IGF1R: variants seen among roughly 807,000 people sequenced by gnomAD.
IGF1R encodes insulin like growth factor 1 receptor.
In IGF1R, 44 loss-of-function variants were observed where a neutral mutation model predicts 144.6. The observed-to-expected ratio is 0.30, with a 90% confidence interval of 0.24 to 0.39. The LOEUF is 0.39. IGF1R is among the 10% of genes least tolerant of loss of function. The probability of loss-of-function intolerance (pLI) is 1.00; values close to 1 mark genes in which losing one functional copy is unlikely to be tolerated. For missense variants in IGF1R, 1,355 were observed against 1,833.7 expected (o/e 0.74, Z 4.77); for synonymous variants, 795 against 722.8 (o/e 1.10, Z -1.60).
At chr15:98,779,066 T>C (rs1338037453) in intron 2 of IGF1R, among the ~76,000 whole-genome samples, 6 of 152,230 alleles carry the variant, frequency 3.9e-5, no homozygotes, top group Admixed American at 3.3e-4. Flanking sequence ...TGTCAGATAA[T>C]TGAGCGTGAG....
At chr15:98,692,106 C>T (rs909582588) in intron 1 of IGF1R, among the ~76,000 whole-genome samples, 14 of 152,096 alleles carry the variant, frequency 9.2e-5, no homozygotes, top group African/African-American at 2.9e-4. Flanking sequence ...GAGTCCGAGG[C>T]GGGCAGATCA....
chr15:98,755,280 C>T (rs577860269), intron 2 of IGF1R, among the ~76,000 whole-genome samples: 2 of 152,090 alleles, frequency 1.3e-5, no homozygotes, highest in East Asian at 1.9e-4. Context: ...GTTAAAATTT[C>T]AGCAGTTCAC....
intron 5 of IGF1R, among the ~76,000 whole-genome samples, chr15:98,907,872 C>T (rs2014808671): frequency 6.6e-6 from 1 of 152,226 alleles, no homozygotes; most frequent in Non-Finnish European, 1.5e-5. Flanking sequence ...TCCTAGATTG[C>T]TGGTTCTCCA....
rs534581665 is a variant in IGF1R at position 98,672,426 on chromosome 15, C to T, written c.94+22751C>T. Among the ~76,000 whole-genome samples the T allele has an allele frequency of 3.2e-4, 48 of 152,000 alleles. 1 individual carries two copies. Among genetic ancestry groups the T allele is most frequent in the Admixed American group, 2.1e-3 (32 of 15,268 alleles). ...CGAAAAATACAATACAAAAATTAGC[C>T]GCGTGTGGTGGTGTGCGCCTGTAGT... On this transcript the variant is annotated intron_variant, in intron 1 of 20. Transcript: ENST00000650285.
chr15:98,688,520 C>G (rs1009595378), intron 1 of IGF1R, among the ~76,000 whole-genome samples: 4 of 151,632 alleles, frequency 2.6e-5, no homozygotes, highest in Non-Finnish European at 5.9e-5. Context: ...TATTATAATG[C>G]TTTCGTTGGG....
At chr15:98,786,758 A>G (rs1304348970) in intron 2 of IGF1R, among the ~76,000 whole-genome samples, 1 of 152,206 alleles carries the variant, frequency 6.6e-6, no homozygotes, top group Non-Finnish European at 1.5e-5. Flanking sequence ...GCTCTGGCCA[A>G]TAACTGGGCC....
At chr15:98,740,724 C>T (rs145618476) in intron 2 of IGF1R, among the ~76,000 whole-genome samples, 263 of 152,326 alleles carry the variant, frequency 1.7e-3, no homozygotes, top group Middle Eastern at 0.017. Context: ...AATCTCTGTG[C>T]TGTGTAGCTT....
chr15:98,907,271 G>A (rs543835970), intron 5 of IGF1R, among the ~76,000 whole-genome samples: 14 of 152,328 alleles, frequency 9.2e-5, no homozygotes, highest in African/African-American at 3.4e-4. Context: ...CTGTAAATGA[G>A]AATCAGGCTG....
intron 3 of IGF1R, among the ~76,000 whole-genome samples, chr15:98,895,414 A>G (rs1007046392): frequency 3.3e-5 from 5 of 150,878 alleles, no homozygotes. Flanking sequence ...TTAAAATAAA[A>G]TTTTTTTTTT....
intron 20 of IGF1R, 66 bp from the exon 21 acceptor site, chr15:98,956,995 C>T (rs1427504969): frequency 1.9e-6 from 3 of 1,579,400 alleles, no homozygotes; most frequent in Non-Finnish European, 2.6e-6. Flanking sequence ...TGCAGGCGGC[C>T]CATGAAGCCT....
chr15:98,759,232 T>C (rs2055234146), intron 2 of IGF1R, among the ~76,000 whole-genome samples: 1 of 152,206 alleles, frequency 6.6e-6, no homozygotes, highest in Admixed American at 6.5e-5. Context: ...TGGCCCAAAT[T>C]TGAGGGTATT....
At position 98,963,126 on chromosome 15, in the gene IGF1R, TATAAA is replaced by T. The variant is rs765425723; in HGVS notation, c.*5687_*5691del. 18 of 233,704 alleles carry T rather than the reference TATAAA, an allele frequency of 7.7e-5. No individual in the cohort carries two copies. Among genetic ancestry groups the T allele is most frequent in the Non-Finnish European group, 1.1e-4 (13 of 118,050 alleles). 14.5% of individuals were successfully genotyped at this position (233,704 alleles called of 1,614,324 possible). ...CATTTTTGTAAGAACAGAATAATTT[TATAAA>T]ATGTTTGTAGTTTATAATTGCCGAA... On this transcript the variant is annotated 3_prime_UTR_variant, in exon 21 of 21. Transcript: ENST00000650285.
rs745988251 is a variant in IGF1R at position 98,957,436 on chromosome 15, C to T, written c.4098C>T (p.Thr1366=). ...ERALPLPQSS[T]C The stretch of plus-strand genomic sequence containing the variant: ...CCTTGCCGCTGCCCCAGTCTTCGAC[C>T]TGCTGATCCTTGGATCCTGAATCTG... The change falls in exon 21 of 21, where the codon ACC becomes ACT. Residue 1366 remains threonine (T), a synonymous_variant. Coordinates refer to ENST00000650285, the MANE Select transcript of IGF1R (RefSeq NM_000875.5). 12 of 1,613,030 alleles carry T rather than the reference C, an allele frequency of 7.4e-6. No individual in the cohort carries two copies. The highest frequency in any genetic ancestry group is 1.7e-5 in the Admixed American group (1 of 60,032).
At chr15:98,789,864 A>AG (rs1341004300) in intron 2 of IGF1R, among the ~76,000 whole-genome samples, 1 of 152,070 alleles carries the variant, frequency 6.6e-6, no homozygotes, top group African/African-American at 2.4e-5. Flanking sequence ...GAAGTCAGAG[A>AG]GGCGGGTTGC....
At chr15:98,836,470 G>T (rs2057104075) in intron 2 of IGF1R, among the ~76,000 whole-genome samples, 1 of 149,076 alleles carries the variant, frequency 6.7e-6, no homozygotes, top group Non-Finnish European at 1.5e-5. Context: ...AGTGAACTAT[G>T]ATCATGCCAC....
chr15:98,818,098 A>G lies in IGF1R; in HGVS notation c.641-73227A>G, dbSNP rs149908689. Among the ~76,000 whole-genome samples, 7 of 152,298 alleles carry G rather than the reference A, an allele frequency of 4.6e-5. No individual in the cohort carries two copies. In the East Asian group the frequency reaches 1.4e-3, roughly 29 times the overall value. Reference sequence around the variant, plus strand: ...TGATTAAGGACATTAATCCAATTGTATCAGGGTCTCACCCTTATGACCTCA... The same window carrying G: ...TGATTAAGGACATTAATCCAATTGTGTCAGGGTCTCACCCTTATGACCTCA... On this transcript the variant is annotated intron_variant, in intron 2 of 20. Transcript: ENST00000650285.
At position 98,742,940 on chromosome 15, in the gene IGF1R, GAC is replaced by G. The variant is rs760596449; in HGVS notation, c.640+34835_640+34836del. Among the ~76,000 whole-genome samples, 22 of 152,304 alleles carry G rather than the reference GAC, an allele frequency of 1.4e-4. No individual in the cohort carries two copies. In the East Asian group the frequency reaches 3.5e-3, roughly 24 times the overall value. ...TAATCCCAGCTTCTCGGGAGGCTGA[GAC>G]AGGAGAATCACTTGAACCTGGGAGG... is the stretch of plus-strand genomic sequence containing the variant. On this transcript the variant is annotated intron_variant, in intron 2 of 20. Coordinates refer to ENST00000650285, the MANE Select transcript of IGF1R (RefSeq NM_000875.5).
chr15:98,835,915 T>G (rs2684773), intron 2 of IGF1R, among the ~76,000 whole-genome samples: 30,642 of 152,182 alleles, frequency 0.2, 4,252 homozygotes, highest in African/African-American at 0.39. Context: ...CTGTGGAAGG[T>G]GTTGGGGGTA....
chr15:98,739,039 A>G (rs1359761302), intron 2 of IGF1R, among the ~76,000 whole-genome samples: 1 of 152,246 alleles, frequency 6.6e-6, no homozygotes, highest in African/African-American at 2.4e-5. Context: ...TCACAACTTC[A>G]GAGTTTGCAT....
Sources: allele counts gnomAD v4.1 joint callset (sites outside exome capture counted in the v4.1 genomes callset), GRCh38; gene constraint gnomAD v4.1.1; transcripts MANE v1.5; gene names NCBI Gene and HGNC (gene_info 2026-07-23, HGNC 2026-07-21).